Variants in CEP41 observed in about 807,000 individuals in gnomAD.
The protein encoded by CEP41 is centrosomal protein of 41 kDa.
In CEP41, 32 loss-of-function variants were observed where a neutral mutation model predicts 44.3. The observed-to-expected ratio is 0.72, with a 90% CI of 0.54 to 0.97. The LOEUF is 0.97. Ranked by LOEUF, CEP41 falls within the 50% of genes least tolerant of loss-of-function variation. The pLI is 0.00. For missense variants in CEP41, 432 were observed against 455.2 expected, an observed-to-expected ratio of 0.95 and a Z score of 0.46; for synonymous variants, 151 against 168.5, an observed-to-expected ratio of 0.90 and a Z score of 0.80.
rs1554417794 is a variant in CEP41 at position 130,404,595 on chromosome 7, C to T, written c.391G>A (p.Ala131Thr). 2 of 1,613,958 alleles carry T rather than the reference C, an allele frequency of 1.2e-6. No individual in the cohort carries two copies. Among genetic ancestry groups the T allele is most frequent in the South Asian group, 1.1e-5 (1 of 91,062 alleles). ...AGAGTTGAGCGGCTGGAGTCCCCTG[C>T]TCCTGCGTTGTTTATGAACTGCTCA... ...SPEQFINNAG[A>T]GDSSRSTLQS... Residue 131 changes from alanine (A) to threonine (T), a missense_variant, in exon 6 of 11, where the codon GCA (alanine) becomes ACA (threonine). Transcript: ENST00000223208.
Position 130,395,637 on chromosome 7 carries a change from T to A in CEP41, c.*3254A>T, listed in dbSNP as rs1796635501. 1 of 453,958 alleles carries A rather than the reference T, an allele frequency of 2.2e-6. No individual in the cohort carries two copies. Among genetic ancestry groups the A allele is most frequent in the African/African-American group, 2.0e-5 (1 of 50,010 alleles). The allele number at this position is 453,958 out of a possible 1,614,324, so 28.1% of individuals were successfully genotyped here. On this transcript the variant is annotated 3_prime_UTR_variant, in exon 11 of 11. Transcript: ENST00000223208. ...CAACACAAGAAAAATTACCTACGTA[T>A]TTCTTCCTAGCCTAGGACTCTGATT...
At position 130,400,850 on chromosome 7, in the gene CEP41, G is replaced by A. The variant is rs782398809; in HGVS notation, c.643-29C>T. On this transcript the variant is annotated intron_variant, in intron 8 of 10. Transcript: ENST00000223208. ...AGAGTCAGATGAGTTAAGGTTCCAA[G>A]GCACTGGGCTGATGTCCCAAGACTA... 4.2e-6 allele frequency: 6 copies of A among 1,424,340 alleles called. No homozygotes were observed. The South Asian group carries it at 7.1e-5, about 17-fold the overall frequency. 88.2% of individuals were successfully genotyped at this position (1,424,340 alleles called of 1,614,324 possible).
intron 2 of CEP41, chr7:130,419,410 AC>A (rs1797432023): frequency 1.0e-6 from 1 of 985,292 alleles, no homozygotes; most frequent in African/African-American, 1.7e-5. Context: ...TAAACTGCTT[AC>A]ATCTTAACTA....
intron 4 of CEP41, 182 bp downstream of exon 4, chr7:130,411,997 A>G (rs149395998): frequency 1.4e-4 from 82 of 601,690 alleles, no homozygotes; most frequent in Non-Finnish European, 2.4e-4. Flanking sequence ...AGAGAGAAAC[A>G]TTTCTCACCA....
intron 5 of CEP41, among the ~76,000 whole-genome samples, chr7:130,410,104 C>T (rs1797134453): frequency 6.8e-6 from 1 of 148,078 alleles, no homozygotes; most frequent in Admixed American, 6.9e-5. Flanking sequence ...CAGCTCACTG[C>T]AACCTCCGCC....
intron 3 of CEP41, 46 bp downstream of exon 3, chr7:130,416,873 C>A (rs782237916): frequency 7.1e-7 from 1 of 1,402,016 alleles, no homozygotes; most frequent in South Asian, 1.2e-5. Context: ...ATTTATAGAA[C>A]AACTATAGAC....
rs546106020 is a variant in CEP41 at position 130,404,579 on chromosome 7, C to T, written c.407G>A (p.Arg136His). 2.7e-5 allele frequency: 44 copies of T among 1,613,744 alleles called. No homozygotes were observed. The highest frequency in any genetic ancestry group is 1.6e-4 in the Middle Eastern group (1 of 6,062). The change falls in exon 6 of 11, where the codon CGC becomes CAC. Residue 136 changes from arginine (R) to histidine (H), a missense_variant. Arg to His is a conservative substitution (Grantham distance 29). Transcript: ENST00000223208. The stretch of plus-strand genomic sequence containing the variant: ...CTTCGAGTACCTCTGAAGAGTTGAG[C>T]GGCTGGAGTCCCCTGCTCCTGCGTT... ...INNAGAGDSS[R>H]STLQSVISGV... is the part of the protein sequence containing the mutation.
rs782286004 is a variant in CEP41, at chr7:130,399,037, G to A, written c.976C>T (p.Arg326Ter). 14 of 1,613,960 alleles carry A rather than the reference G, an allele frequency of 8.7e-6. No homozygotes were observed. Among genetic ancestry groups the A allele is most frequent in the Admixed American group, 5.0e-5 (3 of 60,036 alleles). ...EEQGPADHPS[R>*]LNQANSSGRE... is the part of the protein sequence containing the mutation. Reference sequence around the variant, plus strand: ...CCGGAGGAGTTAGCTTGGTTCAGTCGGCCTGAAGGGAGCAAGAAAGAAGGA... The same window carrying A: ...CCGGAGGAGTTAGCTTGGTTCAGTCAGCCTGAAGGGAGCAAGAAAGAAGGA... The change falls in exon 11 of 11, where the codon CGA becomes TGA. Residue 326 changes from arginine (R) to a stop codon, truncating the protein, a stop_gained and splice_region_variant. Coordinates refer to ENST00000223208, the MANE Select transcript of CEP41 (RefSeq NM_018718.3). LOFTEE classifies it low-confidence loss of function (END_TRUNC).
intron 1 of CEP41, among the ~76,000 whole-genome samples, chr7:130,433,221 C>G (rs782138521): frequency 3.3e-5 from 5 of 151,444 alleles, no homozygotes; most frequent in Admixed American, 6.6e-5. Flanking sequence ...AACAGCAGAT[C>G]AAGTATATGA....
chr7:130,411,959 ATTTAC>A (rs1223702290), intron 4 of CEP41: 2 of 490,834 alleles, frequency 4.1e-6, no homozygotes, highest in Non-Finnish European at 7.3e-6. Context: ...TAGGGCAAAC[ATTTAC>A]TTTATAGAAT....
At position 130,397,563 on chromosome 7, in the gene CEP41, A is replaced by T. The variant is rs782132652; in HGVS notation, c.*1328T>A. The T allele has an allele frequency of 2.5e-4, 109 of 442,848 alleles. 1 individual carries two copies. Among genetic ancestry groups the T allele is most frequent in the Middle Eastern group, 7.1e-4 (1 of 1,410 alleles). The allele number at this position is 442,848 out of a possible 1,614,324, so 27.4% of individuals were successfully genotyped here. ...GCGAGAAAATAGTACTGTTAAGGCA[A>T]ATCTTACCCCGTAGCAGTTACCAGC... On this transcript the variant is annotated 3_prime_UTR_variant, in exon 11 of 11. Transcript: ENST00000223208.
chr7:130,411,285 C>G (rs886296342), intron 4 of CEP41, 94 bp from the exon 5 acceptor site: 60 of 978,354 alleles, frequency 6.1e-5, no homozygotes, highest in Admixed American at 4.4e-4. Flanking sequence ...CAACAAACAT[C>G]AAAGATCTGT....
At chr7:130,424,558 G>A (rs1013493632) in intron 2 of CEP41, among the ~76,000 whole-genome samples, 31 of 152,226 alleles carry the variant, frequency 2.0e-4, no homozygotes, top group African/African-American at 5.8e-4. Flanking sequence ...ATAGACCCAC[G>A]TAAATATGCC....
At position 130,402,909 on chromosome 7, in the gene CEP41, C is replaced by T. The variant is rs1023193666; in HGVS notation, c.423-110G>A. The T allele has an allele frequency of 1.6e-5, 19 of 1,159,518 alleles. 1 individual carries two copies. The highest frequency in any genetic ancestry group is 6.1e-5 in the South Asian group (5 of 81,614). The allele number at this position is 1,159,518 out of a possible 1,614,324, so 71.8% of individuals were successfully genotyped here. On this transcript the variant is annotated intron_variant, in intron 6 of 10. Coordinates refer to ENST00000223208, the MANE Select transcript of CEP41 (RefSeq NM_018718.3). The stretch of plus-strand genomic sequence containing the variant: ...GAGTGCTCAATGTCTTTTCAAAGGA[C>T]GCTTCAAAGGCAAAGGAAAATGGAC...
rs1798136957 is a variant in CEP41 at position 130,440,921 on chromosome 7, A to T, written c.33+13T>A. On this transcript the variant is annotated intron_variant, in intron 1 of 10. Coordinates refer to ENST00000223208, the MANE Select transcript of CEP41 (RefSeq NM_018718.3). ...CGCCCCCTCCGGCTCTCCGGCCGAG[A>T]CCTGGCCCTCACCTCAGGGTTCCCA... 6.2e-7 allele frequency: 1 copy of T among 1,611,280 alleles called. No individual in the cohort carries two copies. The highest frequency in any genetic ancestry group is 8.5e-7 in the Non-Finnish European group (1 of 1,179,972).
intron 1 of CEP41, among the ~76,000 whole-genome samples, chr7:130,431,928 T>A (rs1797833597): frequency 6.6e-6 from 1 of 152,168 alleles, no homozygotes; most frequent in African/African-American, 2.4e-5. Flanking sequence ...TTTGTCAATG[T>A]CTAGAGGCAT....
intron 5 of CEP41, among the ~76,000 whole-genome samples, chr7:130,405,225 C>G (rs1266224634): frequency 6.6e-6 from 1 of 152,188 alleles, no homozygotes; most frequent in Non-Finnish European, 1.5e-5. Flanking sequence ...ACGTTTGCTA[C>G]ATACCAAATT....
chr7:130,425,234 C>G (rs937936315), intron 2 of CEP41, among the ~76,000 whole-genome samples: 2 of 97,134 alleles, frequency 2.1e-5, no homozygotes, highest in Non-Finnish European at 4.3e-5. Flanking sequence ...GCCAACATGA[C>G]AAAACCCATC....
intron 1 of CEP41, among the ~76,000 whole-genome samples, chr7:130,435,099 T>C (rs1797924727): frequency 6.6e-6 from 1 of 152,292 alleles, no homozygotes; most frequent in Admixed American, 6.5e-5. Context: ...ATATACAATG[T>C]TGTAACATTT....
Sources: allele counts gnomAD v4.1 joint callset (sites outside exome capture counted in the v4.1 genomes callset), GRCh38; gene constraint gnomAD v4.1.1; transcripts MANE v1.5; gene names NCBI Gene and HGNC (gene_info 2026-07-23, HGNC 2026-07-21).